Variants in SEM1 observed in about 807,000 individuals in gnomAD.
The protein encoded by SEM1 is SEM1 26S proteasome subunit, also known as 26S proteasome complex subunit SEM1.
SEM1 carries 3 observed loss-of-function variants against 12.7 expected under a neutral mutation model. The ratio of observed to expected loss-of-function variants is 0.24; its 90% CI spans 0.11 to 0.61. SEM1 has a LOEUF of 0.61. SEM1 is among the 20% of genes least tolerant of loss of function. SEM1 has a pLI of 0.88. For missense variants in SEM1, 59 were observed against 81.3 expected (o/e 0.73, Z 1.06); for synonymous variants, 30 against 27.8 (o/e 1.08, Z -0.25).
chr7:96,640,356 C>T lies in SEM1; in HGVS notation c.171-17713G>A, dbSNP rs1808553646. On this transcript the variant is annotated intron_variant, in intron 2 of 2. Coordinates refer to the SEM1 transcript ENST00000417009. This position sits in a 1 kb window ranked among gnomAD's most constrained non-coding sequence, Gnocchi z 4.0. ...CTTCCGTAGATGAATGAAAAATAAA[C>T]TGTGGTACATAAAGATAATGGACTA... Among the ~76,000 whole-genome samples the T allele has an allele frequency of 6.6e-6, 1 of 151,922 alleles. No individual in the cohort carries two copies. The highest frequency in any genetic ancestry group is 2.1e-4 in the South Asian group (1 of 4,828).
chr7:96,641,803 CT>C (rs1457326723), intron 2 of SEM1, among the ~76,000 whole-genome samples: 1 of 151,736 alleles, frequency 6.6e-6, no homozygotes, highest in Non-Finnish European at 1.5e-5. Flanking sequence ...TATAAGAAAA[CT>C]TCCCTATTCT....
chr7:96,681,911 A>G (rs771285211), intron 2 of SEM1, among the ~76,000 whole-genome samples: 4 of 152,134 alleles, frequency 2.6e-5, no homozygotes, highest in African/African-American at 7.2e-5. Flanking sequence ...GGTTTTTCCA[A>G]TTCTATGAAG....
chr7:96,538,591 T>G (rs1171886032), intron 2 of SEM1, among the ~76,000 whole-genome samples: 1 of 151,876 alleles, frequency 6.6e-6, no homozygotes, highest in Non-Finnish European at 1.5e-5. Context: ...CTTGCAGCTC[T>G]TTCAGCTATG....
downstream of SEM1, chr7:96,621,958 T>C (rs1310595041): frequency 2.0e-5 from 3 of 152,292 alleles, no homozygotes; most frequent in Non-Finnish European, 4.4e-5. Context: ...TAGCTGTTAG[T>C]GGCAAAATGA....
intron 2 of SEM1, among the ~76,000 whole-genome samples, chr7:96,547,892 C>T (rs1056330950): frequency 7.2e-5 from 11 of 152,058 alleles, no homozygotes; most frequent in Admixed American, 2.6e-4. Context: ...CCTTGTAAGA[C>T]GTGTACTGTA....
intron 2 of SEM1, among the ~76,000 whole-genome samples, chr7:96,592,424 G>A (rs1334305732): frequency 1.3e-5 from 2 of 151,936 alleles, no homozygotes; most frequent in African/African-American, 4.8e-5. Flanking sequence ...ACATCTATTA[G>A]GCTAAATGAC....
At chr7:96,637,890 A>G (rs1048605319) in intron 2 of SEM1, among the ~76,000 whole-genome samples, 4 of 151,888 alleles carry the variant, frequency 2.6e-5, no homozygotes, top group African/African-American at 9.7e-5. Context: ...GAATTTTTTC[A>G]CTGACTCAAC....
chr7:96,505,552 A>C (rs965220590), intron 3 of SEM1, among the ~76,000 whole-genome samples: 2 of 152,118 alleles, frequency 1.3e-5, no homozygotes, highest in Admixed American at 6.6e-5. Flanking sequence ...ATTTTCTTGC[A>C]TTTCCTATTT....
At chr7:96,595,547 G>A (rs994729817) in intron 2 of SEM1, among the ~76,000 whole-genome samples, 6 of 152,090 alleles carry the variant, frequency 3.9e-5, no homozygotes, top group Admixed American at 6.6e-5. Context: ...CATATGAAAA[G>A]GCAATCAAAG....
chr7:96,659,132 G>T (rs552889842), intron 2 of SEM1, among the ~76,000 whole-genome samples: 1 of 151,920 alleles, frequency 6.6e-6, no homozygotes, highest in Non-Finnish European at 1.5e-5. Flanking sequence ...TTCCAGAATT[G>T]AGAAAATATG....
chr7:96,527,940 GC>G (rs1054280962), intron 2 of SEM1, among the ~76,000 whole-genome samples: 2 of 152,038 alleles, frequency 1.3e-5, no homozygotes, highest in Non-Finnish European at 2.9e-5. Flanking sequence ...TTTTCCTTCT[GC>G]TTTTGCCAGT....
At chr7:96,529,483 A>C (rs1804574975) in intron 2 of SEM1, among the ~76,000 whole-genome samples, 1 of 152,058 alleles carries the variant, frequency 6.6e-6, no homozygotes, top group East Asian at 1.9e-4. Flanking sequence ...TTTCATCTCA[A>C]ACTAAAAATC....
At chr7:96,489,571 TG>T (rs1177178660) in intron 1 of SEM1, among the ~76,000 whole-genome samples, 1 of 152,188 alleles carries the variant, frequency 6.6e-6, no homozygotes, top group Non-Finnish European at 1.5e-5. Context: ...AGATGGAGCC[TG>T]TATTAGTTTT....
chr7:96,641,040 ACTT>A (rs1447716978), intron 2 of SEM1, among the ~76,000 whole-genome samples: 32 of 151,918 alleles, frequency 2.1e-4, no homozygotes, highest in Non-Finnish European at 2.9e-5. Context: ...CAAGTGTTCT[ACTT>A]CTTAAGAAGT....
At chr7:96,645,881 T>C (rs1158685669) in intron 2 of SEM1, 1 of 398,288 alleles carries the variant, frequency 2.5e-6, no homozygotes, top group Non-Finnish European at 4.4e-6. Flanking sequence ...GAGGTGGGCA[T>C]CTTCTCAGTC....
Position 96,558,510 on chromosome 7 carries a change from G to T in SEM1, c.171-51812C>A, listed in dbSNP as rs1046420940. ...ACAGAAGGTGGAACAAATGGAATGG[G>T]TACAGGCAGACAGGGGAGGAGCTGC... On this transcript the variant is annotated intron_variant and NMD_transcript_variant, in intron 2 of 3. Transcript: ENST00000466986. 4.6e-5 allele frequency among the ~76,000 whole-genome samples: 5 copies of T among 108,326 alleles called. No individual in the cohort carries two copies. The Admixed American group carries it at 4.8e-4, about 10-fold the overall frequency. The allele number at this position is 108,326 out of a possible 152,430, so 71.1% of individuals were successfully genotyped here. A position where few individuals can be genotyped will look rare whatever the true frequency, so the allele number is the denominator to read the frequency against.
chr7:96,615,231 T>G (rs1807671980), intron 2 of SEM1, among the ~76,000 whole-genome samples: 1 of 140,632 alleles, frequency 7.1e-6, no homozygotes, highest in Non-Finnish European at 1.5e-5. Flanking sequence ...TGGGTTATTT[T>G]TTGAGTCATC....
intron 2 of SEM1, among the ~76,000 whole-genome samples, chr7:96,582,422 T>C (rs1453983776): frequency 6.6e-6 from 1 of 150,482 alleles, no homozygotes; most frequent in Admixed American, 6.7e-5. Context: ...AGGATATTGG[T>C]CTAAAATTCT....
intron 2 of SEM1, among the ~76,000 whole-genome samples, chr7:96,690,625 C>T (rs533279699): frequency 1.2e-4 from 19 of 152,176 alleles, no homozygotes; most frequent in African/African-American, 3.6e-4. Context: ...CTATCTGAAA[C>T]GAAAACAGCA....
Sources: gnomAD v4.1 joint callset for allele counts (sites outside exome capture counted in the v4.1 genomes callset) on GRCh38, gnomAD v4.1.1 for gene constraint, Gnocchi (gnomAD v3.1) non-coding constraint, MANE v1.5 for transcripts, NCBI Gene and HGNC (gene_info 2026-07-23, HGNC 2026-07-21) for gene names.